Variants in SZT2 observed in about 807,000 individuals in gnomAD.
SZT2 encodes the protein SZT2 subunit of KICSTOR complex, also known as KICSTOR complex protein SZT2.
A neutral mutation model predicts 404.2 loss-of-function variants in SZT2; 216 were observed. That is an observed-to-expected ratio of 0.53 (90% CI 0.48 to 0.60). SZT2 has a LOEUF of 0.60. Among genes scored for constraint, SZT2 ranks in the 20% least tolerant of loss-of-function variants. SZT2 has a pLI of 0.00. For synonymous variants in SZT2, 1,693 were observed against 1,749.9 expected (o/e 0.97, Z 0.81); for missense variants, 3,857 against 4,459.2 (o/e 0.86, Z 3.85).
chr1:43,423,230 AC>A lies in SZT2; in HGVS notation c.2175del (p.Val726CysfsTer41). On this transcript the variant is annotated frameshift_variant, in exon 15 of 72. Transcript: ENST00000634258. LOFTEE classifies it high-confidence loss of function. ...AGGGSSPSKS[P>X]PVLGPQQALS... is the part of the protein sequence containing the mutation. The stretch of plus-strand genomic sequence containing the variant: ...GTGGGGGCAGCTCTCCCTCCAAGTC[AC>A]CCCCCGTGCTGGGGCCACAGCAGGC... 3 of 1,592,812 alleles carry A rather than the reference AC, an allele frequency of 1.9e-6. No individual in the cohort carries two copies. Among genetic ancestry groups the A allele is most frequent in the Non-Finnish European group, 2.5e-6 (3 of 1,176,806 alleles).
chr1:43,426,738 G>T lies in SZT2; in HGVS notation c.3238G>T (p.Val1080Phe), dbSNP rs1325841179. Residue 1080 changes from valine (V) to phenylalanine (F), a missense_variant, in exon 23 of 72, where the codon GTT becomes TTT. Physicochemically the swap from Val to Phe is conservative, Grantham distance 50. Transcript: ENST00000634258. The surrounding 1 kb of genome is among the most constrained non-coding windows in gnomAD (Gnocchi z 4.9). ...VPGAEGPLLG[V>F]HGIPKEQAVG... ...AGGTGCCGAGGGGCCACTGCTGGGG[G>T]TTCATGGGATCCCGAAGGAGCAAGC... is the stretch of plus-strand genomic sequence containing the variant. 7 of 1,613,104 alleles carry T rather than the reference G, an allele frequency of 4.3e-6. No homozygotes were observed. The Admixed American group carries it at 8.3e-5, about 19-fold the overall frequency.
Position 43,438,722 on chromosome 1 carries a change from G to A in SZT2, c.6532G>A (p.Val2178Met), listed in dbSNP as rs143685264. Reference sequence around the variant, plus strand: ...AGGTCCTGAGATCACGGATGAGCTCGTGCGAGTTCTATGTCGGCGCCTGGA... The same window carrying A: ...AGGTCCTGAGATCACGGATGAGCTCATGCGAGTTCTATGTCGGCGCCTGGA... ...QAGPEITDEL[V>M]RVLCRRLDEA... is the part of the protein sequence containing the mutation. The change falls in exon 47 of 72, where the codon GTG becomes ATG. Residue 2178 changes from valine (V) to methionine (M), a missense_variant. By Grantham distance (21) the Val-to-Met change is conservative. Transcript: ENST00000634258. The A allele has an allele frequency of 1.3e-4, 216 of 1,613,956 alleles. No homozygotes were observed. The highest frequency in any genetic ancestry group is 1.7e-4 in the Non-Finnish European group (199 of 1,179,992).
intron 1 of SZT2, among the ~76,000 whole-genome samples, chr1:43,393,382 A>G (rs1428050287): frequency 6.6e-6 from 1 of 152,226 alleles, no homozygotes; most frequent in East Asian, 1.9e-4. Context: ...TGTTTCACAG[A>G]TGAGCTAACT....
Position 43,424,481 on chromosome 1 carries a change from T to C in SZT2, c.2471+49T>C. On this transcript the variant is annotated intron_variant, in intron 16 of 71. Coordinates refer to ENST00000634258, the MANE Select transcript of SZT2 (RefSeq NM_001365999.1). The surrounding 1 kb of genome is among the most constrained non-coding windows in gnomAD (Gnocchi z 4.1). ...TCACTCGGGGCAAGGAGAGAGCAAG[T>C]GTAGACTGGGACACTAGCAAAAAGC... is the stretch of plus-strand genomic sequence containing the variant. 2 of 1,568,570 alleles carry C rather than the reference T, an allele frequency of 1.3e-6. No individual in the cohort carries two copies. The highest frequency in any genetic ancestry group is 1.7e-6 in the Non-Finnish European group (2 of 1,155,800).
chr1:43,421,386 A>G (rs1652344671), intron 11 of SZT2, 83 bp downstream of exon 11: 8 of 1,540,902 alleles, frequency 5.2e-6, no homozygotes, highest in South Asian at 2.4e-5. Flanking sequence ...ACCACCTTCT[A>G]TTCCTTTCTG....
In SZT2 at chr1:43,424,312, C is replaced by G. The variant is rs1201009791; in HGVS notation, c.2351C>G (p.Ser784Cys). The G allele has an allele frequency of 6.3e-7, 1 of 1,598,092 alleles. No individual in the cohort carries two copies. The highest frequency in any genetic ancestry group is 1.3e-5 in the African/African-American group (1 of 74,952). ...LPLVSGRSAS[S>C]SLASLSRYLY... The stretch of plus-strand genomic sequence containing the variant: ...TTGGTGTCAGGCCGCTCAGCCTCTT[C>G]TAGCCTGGCGTCACTGTCCCGCTAC... The change falls in exon 16 of 72, where the codon TCT (serine) becomes TGT (cysteine). Residue 784 changes from serine (S) to cysteine (C), a missense_variant. Around this residue, in one of 7 missense-constraint regions of SZT2, gnomAD observed 1,725 missense variants for 1,881.0 expected, o/e 0.92. Coordinates refer to ENST00000634258, the MANE Select transcript of SZT2 (RefSeq NM_001365999.1). The surrounding 1 kb of genome is among the most constrained non-coding windows in gnomAD (Gnocchi z 4.1).
rs747280564 is a variant in SZT2 at position 43,435,279 on chromosome 1, G to A, written c.5984G>A (p.Arg1995His). The part of the protein sequence containing the change: ...LVAESEEDLW[R>H]SETPFHSRQR... ...GCCGAGAGTGAAGAAGATCTGTGGCGCAGTGAGACTCCCTTCCACTCCCGT... is the reference window on the plus strand; with the variant it reads ...GCCGAGAGTGAAGAAGATCTGTGGCACAGTGAGACTCCCTTCCACTCCCGT... The change falls in exon 42 of 72, where the codon CGC (arginine) becomes CAC (histidine). Residue 1995 changes from arginine (R) to histidine (H), a missense_variant. Arg to His is a conservative substitution (Grantham distance 29, BLOSUM62 0). Coordinates refer to ENST00000634258, the MANE Select transcript of SZT2 (RefSeq NM_001365999.1). 9.9e-6 allele frequency: 16 copies of A among 1,614,108 alleles called. No homozygotes were observed. The highest frequency in any genetic ancestry group is 9.3e-6 in the Non-Finnish European group (11 of 1,180,054).
In SZT2 at chr1:43,450,482, G is replaced by T; in HGVS notation, c.*2G>T. 6.2e-7 allele frequency: 1 copy of T among 1,614,052 alleles called. No homozygotes were observed. ...ACCCTCTGGACCCGCCTCCTCTGAG[G>T]GAGTGGACTGGACCACTGAATGTCA... is the stretch of plus-strand genomic sequence containing the variant. On this transcript the variant is annotated 3_prime_UTR_variant, in exon 72 of 72. Transcript: ENST00000634258. The surrounding 1 kb of genome is among the most constrained non-coding windows in gnomAD (Gnocchi z 4.3).
In SZT2 at chr1:43,442,665, CAGTT is replaced by C; in HGVS notation, c.8151+49_8151+52del. ...CCTATAGTTTTGGCTACTGAGGGGTCAGTTAAAGGAAAAACCAGCTCAGAAGCCA... is the reference window on the plus strand; with the variant it reads ...CCTATAGTTTTGGCTACTGAGGGGTCAAAGGAAAAACCAGCTCAGAAGCCA... On this transcript the variant is annotated intron_variant, in intron 58 of 71. Coordinates refer to ENST00000634258, the MANE Select transcript of SZT2 (RefSeq NM_001365999.1). This position sits in a 1 kb window ranked among gnomAD's most constrained non-coding sequence, Gnocchi z 4.5. 1 of 1,546,910 alleles carries C rather than the reference CAGTT, an allele frequency of 6.5e-7. No individual in the cohort carries two copies. Among genetic ancestry groups the C allele is most frequent in the Non-Finnish European group, 8.7e-7 (1 of 1,147,966 alleles).
At chr1:43,390,739 A>T (rs839755) in intron 1 of SZT2, among the ~76,000 whole-genome samples, 2 of 152,136 alleles carry the variant, frequency 1.3e-5, no homozygotes, top group African/African-American at 2.4e-5. Flanking sequence ...ACCTTACTCA[A>T]ATGCCACTCA....
At chr1:43,403,566 T>G (rs754109284) in intron 2 of SZT2, 35 bp from the exon 3 acceptor site, 2 of 1,601,658 alleles carry the variant, frequency 1.2e-6, no homozygotes, top group African/African-American at 2.7e-5. Context: ...GATACTTCGC[T>G]GATCCTTTCC....
chr1:43,450,744 G>C lies in SZT2; in HGVS notation c.*264G>C. The C allele has an allele frequency of 1.4e-6, 1 of 704,746 alleles. No individual in the cohort carries two copies. Among genetic ancestry groups the C allele is most frequent in the Non-Finnish European group, 2.6e-6 (1 of 388,918 alleles). 43.7% of individuals were successfully genotyped at this position (704,746 alleles called of 1,614,324 possible). On this transcript the variant is annotated 3_prime_UTR_variant, in exon 72 of 72. Coordinates refer to ENST00000634258, the MANE Select transcript of SZT2 (RefSeq NM_001365999.1). This position sits in a 1 kb window ranked among gnomAD's most constrained non-coding sequence, Gnocchi z 4.3. ...CCCGAGGACCCCTTGGGCCCTTCTG[G>C]GGTACTCCTTTCGGCCCCCCTGGTA...
chr1:43,451,716 T>C lies in SZT2; in HGVS notation c.*1236T>C. 1 of 1,614,086 alleles carries C rather than the reference T, an allele frequency of 6.2e-7. No individual in the cohort carries two copies. Among genetic ancestry groups the C allele is most frequent in the South Asian group, 1.1e-5 (1 of 91,076 alleles). On this transcript the variant is annotated 3_prime_UTR_variant, in exon 72 of 72. Coordinates refer to ENST00000634258, the MANE Select transcript of SZT2 (RefSeq NM_001365999.1). Reference sequence around the variant, plus strand: ...ATCCATGATCTGCCAGTGGAATATGTCCTAGGGAAGAGGATACTACATTCC... The same window carrying C: ...ATCCATGATCTGCCAGTGGAATATGCCCTAGGGAAGAGGATACTACATTCC...
chr1:43,430,293 C>A lies in SZT2; in HGVS notation c.4402-18C>A, dbSNP rs774151902. ...GTGGGATTCTTGCCTCATCATCTTGCTTCATTCTTTTGCCTAGGATGAGGG... is the reference window on the plus strand; with the variant it reads ...GTGGGATTCTTGCCTCATCATCTTGATTCATTCTTTTGCCTAGGATGAGGG... On this transcript the variant is annotated intron_variant, in intron 30 of 71. Coordinates refer to ENST00000634258, the MANE Select transcript of SZT2 (RefSeq NM_001365999.1). The A allele has an allele frequency of 6.2e-7, 1 of 1,613,568 alleles. No homozygotes were observed. The highest frequency in any genetic ancestry group is 1.1e-5 in the South Asian group (1 of 91,042).
intron 39 of SZT2, 75 bp downstream of exon 39, chr1:43,432,874 G>A (rs1393350123): frequency 3.1e-6 from 5 of 1,596,642 alleles, no homozygotes; most frequent in Non-Finnish European, 4.3e-6. Context: ...GAAAGGTCTG[G>A]ACAGGAGACA....
Position 43,437,006 on chromosome 1 carries a change from A to T in SZT2, c.6035-165A>T. 1.2e-6 allele frequency: 1 copy of T among 851,614 alleles called. No homozygotes were observed. The highest frequency in any genetic ancestry group is 1.8e-6 in the Non-Finnish European group (1 of 552,716). 52.8% of individuals were successfully genotyped at this position (851,614 alleles called of 1,614,324 possible). A position where few individuals can be genotyped will look rare whatever the true frequency, so the allele number is the denominator to read the frequency against. On this transcript the variant is annotated intron_variant, in intron 42 of 71. Coordinates refer to ENST00000634258, the MANE Select transcript of SZT2 (RefSeq NM_001365999.1). The surrounding 1 kb of genome is among the most constrained non-coding windows in gnomAD (Gnocchi z 5.3). ...ATGACCTGTGTTCCTAAGGGCATGC[A>T]TCTGCCTGGCCCTGTCGTGTTACCC...
rs1299176256 is a variant in SZT2 at position 43,445,648 on chromosome 1, TTA to T, written c.8826-245_8826-244del. 5.2e-6 allele frequency: 3 copies of T among 577,500 alleles called. No homozygotes were observed. In the African/African-American group the frequency reaches 5.6e-5, roughly 11 times the overall value. The allele number at this position is 577,500 out of a possible 1,614,324, so 35.8% of individuals were successfully genotyped here. On this transcript the variant is annotated intron_variant, in intron 62 of 71. Transcript: ENST00000634258. ...CACACACCCTCTCAGTAGCAGAGGCTTAGTCTCCACCTCCCCACTGAGCACTG... is the reference window on the plus strand; with the variant it reads ...CACACACCCTCTCAGTAGCAGAGGCTGTCTCCACCTCCCCACTGAGCACTG...
intron 4 of SZT2, among the ~76,000 whole-genome samples, chr1:43,408,398 G>T (rs1570581545): frequency 6.6e-6 from 1 of 152,192 alleles, no homozygotes; most frequent in African/African-American, 2.4e-5. Flanking sequence ...AAGTAGCTAG[G>T]ACTACAGGTG....
chr1:43,392,546 C>T lies in SZT2; in HGVS notation c.27+2551C>T, dbSNP rs551774705. On this transcript the variant is annotated intron_variant, in intron 1 of 71. Coordinates refer to ENST00000634258, the MANE Select transcript of SZT2 (RefSeq NM_001365999.1). The stretch of plus-strand genomic sequence containing the variant: ...TCTCCTGCCTCAGCCTCCCAAGTAG[C>T]TGGGACTACAGGCGCCTGCTACCAT... 6.4e-4 allele frequency among the ~76,000 whole-genome samples: 97 copies of T among 152,164 alleles called. 1 individual carries two copies. The highest frequency in any genetic ancestry group is 2.3e-3 in the African/African-American group (96 of 41,504).
Sources: gnomAD v4.1 joint callset for allele counts (sites outside exome capture counted in the v4.1 genomes callset) on GRCh38, gnomAD v4.1.1 for gene constraint, gnomAD v4.1.1 regional missense constraint, Gnocchi (gnomAD v3.1) non-coding constraint, MANE v1.5 for transcripts, NCBI Gene and HGNC (gene_info 2026-07-23, HGNC 2026-07-21) for gene names.